The following MB variants were observed in gnomAD, a reference collection of about 807,000 sequenced individuals.
MB encodes the protein myoglobin.
In MB, 10 loss-of-function variants were observed where a neutral mutation model predicts 14.5. The ratio of observed to expected loss-of-function variants is 0.69; its 90% CI spans 0.43 to 1.17. The LOEUF is 1.17. MB is among the 50% of genes most tolerant of loss of function. The pLI is 0.00. For synonymous variants in MB, 89 were observed against 78.6 expected (o/e 1.13, Z -0.70); for missense variants, 169 against 192.7 (o/e 0.88, Z 0.73).
chr22:35,616,807 C>T (rs924976633), intron 1 of MB, among the ~76,000 whole-genome samples: 3 of 152,176 alleles, frequency 2.0e-5, no homozygotes, highest in African/African-American at 7.2e-5. Flanking sequence ...ATGTCCTCCC[C>T]TTCTCAGTCC....
intron 1 of MB, among the ~76,000 whole-genome samples, chr22:35,612,636 G>A (rs1009671038): frequency 6.6e-6 from 1 of 152,226 alleles, no homozygotes. Flanking sequence ...AAATCCTGAT[G>A]GGGTAGACGC....
rs1020565087 is a variant in MB at position 35,607,263 on chromosome 22, G to A, written c.*34C>T. 6.3e-7 allele frequency: 1 copy of A among 1,595,798 alleles called. No individual in the cohort carries two copies. Among genetic ancestry groups the A allele is most frequent in the Admixed American group, 1.7e-5 (1 of 58,052 alleles). ...AGACCCCGCTCTCTCTTGAACCCGG[G>A]GCCCAGATGGGTGGGGGTGGGAGCG... is the stretch of plus-strand genomic sequence containing the variant. On this transcript the variant is annotated 3_prime_UTR_variant, in exon 3 of 3. Transcript: ENST00000397326.
chr22:35,609,171 G>A (rs888619717), intron 2 of MB, among the ~76,000 whole-genome samples: 2 of 152,192 alleles, frequency 1.3e-5, no homozygotes, highest in East Asian at 1.9e-4. Context: ...GTGCCAGTGG[G>A]GCACAGAAAT....
rs533109319 is a variant in MB, at chr22:35,608,278, C to T, written c.319-835G>A. On this transcript the variant is annotated intron_variant, in intron 2 of 2. Transcript: ENST00000397326. This position sits in a 1 kb window ranked among gnomAD's most constrained non-coding sequence, Gnocchi z 4.3. ...CCAACCACAGCCCTGGCTGGTGCAC[C>T]AAGGAGTGTCGTTTTACAGAGGAGA... Among the ~76,000 whole-genome samples, 1 of 152,284 alleles carries T rather than the reference C, an allele frequency of 6.6e-6. No individual in the cohort carries two copies. The highest frequency in any genetic ancestry group is 2.1e-4 in the South Asian group (1 of 4,830).
chr22:35,616,878 C>A (rs997206006), intron 1 of MB, among the ~76,000 whole-genome samples: 5 of 152,142 alleles, frequency 3.3e-5, no homozygotes, highest in Admixed American at 1.3e-4. Context: ...CCCTTGTTAA[C>A]TCTGACTGTC....
chr22:35,616,053 A>C (rs1443579865), intron 1 of MB, among the ~76,000 whole-genome samples: 1 of 152,244 alleles, frequency 6.6e-6, no homozygotes, highest in Non-Finnish European at 1.5e-5. Flanking sequence ...ACGGAGTGGA[A>C]GAGGAAAATT....
chr22:35,619,277 A>G (rs1194738651), upstream of MB, among the ~76,000 whole-genome samples: 2 of 152,258 alleles, frequency 1.3e-5, no homozygotes, highest in African/African-American at 4.8e-5. Flanking sequence ...CCATCTGCAT[A>G]AGACTATACA....
At chr22:35,617,758 C>T (rs1037406615), upstream of MB, among the ~76,000 whole-genome samples, 12 of 152,182 alleles carry the variant, frequency 7.9e-5, no homozygotes, top group African/African-American at 2.7e-4. Context: ...CAACCTCTCA[C>T]GCACCTTCTG....
At chr22:35,609,533 C>T (rs1251595495) in intron 2 of MB, among the ~76,000 whole-genome samples, 3 of 152,026 alleles carry the variant, frequency 2.0e-5, no homozygotes, top group Non-Finnish European at 2.9e-5. Context: ...AGAGGGGTGG[C>T]GGTGGTTGTC....
intron 1 of MB, among the ~76,000 whole-genome samples, chr22:35,611,577 G>A (rs936920352): frequency 2.0e-5 from 3 of 152,134 alleles, no homozygotes; most frequent in Admixed American, 1.3e-4. Flanking sequence ...TACCTGTGAG[G>A]GCCATTCCAC....
intron 1 of MB, among the ~76,000 whole-genome samples, chr22:35,611,380 C>T (rs951056959): frequency 2.6e-5 from 4 of 152,108 alleles, no homozygotes; most frequent in African/African-American, 7.2e-5. Flanking sequence ...ATGTGGAAAC[C>T]GAGGTTCTGA....
In MB at chr22:35,610,951, T is replaced by C; in HGVS notation, c.251A>G (p.Glu84Gly). 6.2e-7 allele frequency: 1 copy of C among 1,614,190 alleles called. No homozygotes were observed. The highest frequency in any genetic ancestry group is 8.5e-7 in the Non-Finnish European group (1 of 1,180,024). ...GGILKKKGHHEAEIKPLAQSH... is the reference protein window; with the variant it reads ...GGILKKKGHHGAEIKPLAQSH... Reference sequence around the variant, plus strand: ...CTGTGCCAGGGGCTTAATCTCTGCCTCATGATGCCCCTTCTTCTTAAGGAT... The same window carrying C: ...CTGTGCCAGGGGCTTAATCTCTGCCCCATGATGCCCCTTCTTCTTAAGGAT... Residue 84 changes from glutamate to glycine, a missense_variant, in exon 2 of 3, where the codon GAG becomes GGG. Glu to Gly is a moderately conservative substitution (Grantham distance 98). Coordinates refer to ENST00000397326, the MANE Select transcript of MB (RefSeq NM_005368.3).
At chr22:35,613,796 C>A (rs1341332241) in intron 1 of MB, among the ~76,000 whole-genome samples, 2 of 152,218 alleles carry the variant, frequency 1.3e-5, no homozygotes, top group Admixed American at 1.3e-4. Context: ...CCCCACCCCA[C>A]CCCATATTTA....
At chr22:35,621,555 A>G (rs1478809096), upstream of MB, among the ~76,000 whole-genome samples, 4 of 152,146 alleles carry the variant, frequency 2.6e-5, no homozygotes, top group Admixed American at 2.6e-4. Flanking sequence ...ATTTTGTCCA[A>G]TTTCCCACTA....
upstream of MB, among the ~76,000 whole-genome samples, chr22:35,619,016 T>C (rs1471163400): frequency 6.6e-6 from 1 of 151,494 alleles, no homozygotes; most frequent in Non-Finnish European, 1.5e-5. Context: ...CATCTATCCA[T>C]CCATCATCCA....
upstream of MB, among the ~76,000 whole-genome samples, chr22:35,620,800 TC>T (rs774264053): frequency 1.3e-5 from 2 of 152,148 alleles, no homozygotes; most frequent in Non-Finnish European, 1.5e-5. Flanking sequence ...CCAGCTCTTC[TC>T]CCGTCTCTGG....
At chr22:35,613,123 G>A (rs1392109547) in intron 1 of MB, among the ~76,000 whole-genome samples, 1 of 152,190 alleles carries the variant, frequency 6.6e-6, no homozygotes, top group Non-Finnish European at 1.5e-5. Flanking sequence ...ATTATCTGGC[G>A]ACAATGATCC....
intron 1 of MB, among the ~76,000 whole-genome samples, chr22:35,614,052 G>T (rs1434867302): frequency 6.6e-6 from 1 of 152,202 alleles, no homozygotes; most frequent in Non-Finnish European, 1.5e-5. Context: ...TGTGTTTCCA[G>T]CTTCAACCCT....
At chr22:35,616,674 T>C (rs5755798) in intron 1 of MB, among the ~76,000 whole-genome samples, 102,491 of 152,040 alleles carry the variant, frequency 0.67, 36,139 homozygotes, top group East Asian at 0.93. Flanking sequence ...GGTTGAGTAC[T>C]TTCCCAAAGG....
Sources: allele counts gnomAD v4.1 joint callset (sites outside exome capture counted in the v4.1 genomes callset), GRCh38; gene constraint gnomAD v4.1.1; non-coding constraint Gnocchi (gnomAD v3.1); transcripts MANE v1.5; gene names NCBI Gene and HGNC (gene_info 2026-07-23, HGNC 2026-07-21).